ZBTB8OS: variants seen among roughly 807,000 people sequenced by gnomAD.
The protein encoded by ZBTB8OS is tRNA splicing ligase complex subunit 1, also known as tRNA-splicing ligase-activating factor archease.
In ZBTB8OS, 16 loss-of-function variants were observed where a neutral mutation model predicts 29.3. The ratio of observed to expected loss-of-function variants is 0.55; its 90% confidence interval spans 0.37 to 0.83. ZBTB8OS has a LOEUF of 0.83. Among genes scored for constraint, ZBTB8OS ranks in the 40% least tolerant of loss-of-function variants. The probability of loss-of-function intolerance (pLI) is 0.00; values close to 1 mark genes in which losing one functional copy is unlikely to be tolerated. For missense variants in ZBTB8OS, 160 were observed against 196.9 expected (o/e 0.81, Z 1.12); for synonymous variants, 70 against 64.6 (o/e 1.08, Z -0.40).
intron 1 of ZBTB8OS, among the ~76,000 whole-genome samples, chr1:32,642,737 C>G: frequency 3.2e-5 from 1 of 30,884 alleles, no homozygotes. Context: ...TTATCTTAAC[C>G]AGAACATTCC....
intron 6 of ZBTB8OS, 33 bp downstream of exon 6, chr1:32,627,475 T>G (rs1274743716): frequency 6.2e-7 from 1 of 1,609,318 alleles, no homozygotes; most frequent in Non-Finnish European, 8.5e-7. Context: ...AGGAAATTTT[T>G]CATGTTCTTA....
At chr1:32,623,207 T>TTTC (rs1644869059) in intron 6 of ZBTB8OS, among the ~76,000 whole-genome samples, 1 of 152,156 alleles carries the variant, frequency 6.6e-6, no homozygotes, top group Non-Finnish European at 1.5e-5. Flanking sequence ...GCCACTGCTT[T>TTTC]TTCTCCTCTG....
intron 5 of ZBTB8OS, among the ~76,000 whole-genome samples, chr1:32,628,531 G>A (rs1339199261): frequency 6.6e-6 from 1 of 151,966 alleles, no homozygotes; most frequent in Admixed American, 6.6e-5. Context: ...GAACTACTCA[G>A]GAGGCTGAGG....
intron 5 of ZBTB8OS, 197 bp from the exon 6 acceptor site, chr1:32,627,741 A>G: frequency 1.7e-6 from 1 of 589,034 alleles, no homozygotes; most frequent in South Asian, 2.1e-5. Context: ...TTTGCTCTCA[A>G]GGTTGATAGT....
At chr1:32,623,915 G>A (rs1288489953) in intron 6 of ZBTB8OS, among the ~76,000 whole-genome samples, 3 of 152,162 alleles carry the variant, frequency 2.0e-5, no homozygotes, top group Non-Finnish European at 4.4e-5. Context: ...GTTGTGGGAG[G>A]GAGGGAGCAG....
intron 4 of ZBTB8OS, 52 bp from the exon 5 acceptor site, chr1:32,631,931 T>C (rs912818587): frequency 1.1e-6 from 1 of 886,074 alleles, no homozygotes; most frequent in South Asian, 1.8e-5. Flanking sequence ...ATAGACTATC[T>C]ACTAAAAATC....
At chr1:32,624,117 C>T (rs545949631) in intron 6 of ZBTB8OS, among the ~76,000 whole-genome samples, 3 of 152,304 alleles carry the variant, frequency 2.0e-5, no homozygotes, top group South Asian at 2.1e-4. Context: ...CCTGAGGTCT[C>T]CCCAGCCATG....
In ZBTB8OS at chr1:32,634,803, G is replaced by C. The variant is rs1357291377; in HGVS notation, c.98-11C>G. 2 of 1,595,146 alleles carry C rather than the reference G, an allele frequency of 1.3e-6. No individual in the cohort carries two copies. The highest frequency in any genetic ancestry group is 8.6e-7 in the Non-Finnish European group (1 of 1,162,920). Reference sequence around the variant, plus strand: ...CTGTATGATCCAAATCTGAGGGACAGAGGGAAAAACACTTATAAGACACTA... The same window carrying C: ...CTGTATGATCCAAATCTGAGGGACACAGGGAAAAACACTTATAAGACACTA... On this transcript the variant is annotated splice_polypyrimidine_tract_variant and intron_variant, in intron 1 of 6. Transcript: ENST00000468695.
intron 1 of ZBTB8OS, among the ~76,000 whole-genome samples, chr1:32,643,391 T>G (rs1213713784): frequency 1.3e-4 from 1 of 7,620 alleles, no homozygotes; most frequent in African/African-American, 1.5e-4. Context: ...TTGTTTTAGT[T>G]TTTGGTTTTT....
chr1:32,629,080 T>C (rs1397245332), intron 5 of ZBTB8OS, among the ~76,000 whole-genome samples: 1 of 152,078 alleles, frequency 6.6e-6, no homozygotes, highest in African/African-American at 2.4e-5. Flanking sequence ...AACAGAGTAG[T>C]AACATATTCA....
intron 6 of ZBTB8OS, among the ~76,000 whole-genome samples, chr1:32,626,452 C>T (rs980678115): frequency 6.6e-6 from 1 of 152,186 alleles, no homozygotes; most frequent in Non-Finnish European, 1.5e-5. Flanking sequence ...CTGGCCTAAA[C>T]ACAGGGGTCA....
intron 1 of ZBTB8OS, among the ~76,000 whole-genome samples, chr1:32,640,869 A>T (rs1646337175): frequency 6.6e-6 from 1 of 152,060 alleles, no homozygotes; most frequent in African/African-American, 2.4e-5. Flanking sequence ...GATGTGACAG[A>T]TCACTGTTCA....
intron 1 of ZBTB8OS, among the ~76,000 whole-genome samples, chr1:32,637,682 G>A (rs899746582): frequency 6.6e-6 from 1 of 152,270 alleles, no homozygotes; most frequent in African/African-American, 2.4e-5. Context: ...GGAAGTGGAG[G>A]ATTGACTGGA....
intron 5 of ZBTB8OS, 137 bp downstream of exon 5, chr1:32,631,690 T>C (rs775884437): frequency 3.3e-6 from 2 of 613,548 alleles, no homozygotes; most frequent in Non-Finnish European, 5.7e-6. Flanking sequence ...TTTCTGGTCC[T>C]TCCAAGCCCT....
At chr1:32,634,567 AC>A in intron 2 of ZBTB8OS, 200 bp downstream of exon 2, 1 of 615,674 alleles carries the variant, frequency 1.6e-6, no homozygotes, top group Non-Finnish European at 2.9e-6. Context: ...TCTCTCTGTC[AC>A]CCAGGCTGGG....
intron 5 of ZBTB8OS, among the ~76,000 whole-genome samples, chr1:32,629,786 C>T (rs375542319): frequency 4.9e-5 from 7 of 143,016 alleles, no homozygotes; most frequent in South Asian, 2.2e-4. Context: ...CAGAGTCTCG[C>T]GCTGTTGCCA....
At chr1:32,635,208 A>C (rs1414165719) in intron 1 of ZBTB8OS, among the ~76,000 whole-genome samples, 5 of 152,114 alleles carry the variant, frequency 3.3e-5, no homozygotes, top group African/African-American at 1.2e-4. Flanking sequence ...ACCAGAAAGT[A>C]ACAAACGGTA....
intron 2 of ZBTB8OS, 177 bp downstream of exon 2, chr1:32,634,591 A>G: frequency 1.4e-6 from 1 of 709,112 alleles, no homozygotes; most frequent in East Asian, 2.6e-5. Context: ...GCAGTGGTGC[A>G]ATCTCGGCTC....
chr1:32,627,602 A>T (rs1645215165), intron 5 of ZBTB8OS, 58 bp from the exon 6 acceptor site: 5 of 1,544,618 alleles, frequency 3.2e-6, no homozygotes, highest in Non-Finnish European at 4.5e-6. Flanking sequence ...ATGTTTTAAA[A>T]TAAGCCTTGT....
Sources: gnomAD v4.1 joint callset for allele counts (sites outside exome capture counted in the v4.1 genomes callset) on GRCh38, gnomAD v4.1.1 for gene constraint, MANE v1.5 for transcripts, NCBI Gene and HGNC (gene_info 2026-07-23, HGNC 2026-07-21) for gene names.